Variants in RPSA2 observed in about 807,000 individuals in gnomAD.
The protein encoded by RPSA2 is ribosomal protein SA 2.
the RPSA2 span, among the ~76,000 whole-genome samples, chr19:23,839,537 G>A: frequency 2.0e-5 from 3 of 152,184 alleles, no homozygotes; most frequent in South Asian, 2.1e-4. Context: ...CTGTTTCTCA[G>A]TGTGGTAAAA....
At chr19:23,837,395 T>G in the RPSA2 span, among the ~76,000 whole-genome samples, 1 of 152,154 alleles carries the variant, frequency 6.6e-6, no homozygotes, top group Non-Finnish European at 1.5e-5. Flanking sequence ...TACTTTGAAA[T>G]CAGGTAGTGT....
chr19:23,837,415 A>AGAT, the RPSA2 span, among the ~76,000 whole-genome samples: 1 of 152,066 alleles, frequency 6.6e-6, no homozygotes, highest in Non-Finnish European at 1.5e-5. Flanking sequence ...TGTTTCCTCC[A>AGAT]GATTTGTTCT....
the RPSA2 span, among the ~76,000 whole-genome samples, chr19:23,810,103 G>A: frequency 1.3e-5 from 2 of 152,146 alleles, no homozygotes; most frequent in African/African-American, 4.8e-5. Context: ...GTTAAAAGGG[G>A]CTTGGATAGG....
At chr19:23,761,927 T>TCCTTCCTTCCTTCC in the RPSA2 span, among the ~76,000 whole-genome samples, 48 of 62,386 alleles carry the variant, frequency 7.7e-4, 4 homozygotes, top group South Asian at 1.3e-3. Context: ...TTTCTTTTTT[T>TCCTTCCTTCCTTCC]TTTTTTTTGA....
chr19:23,823,018 G>A, the RPSA2 span, among the ~76,000 whole-genome samples: 1 of 152,232 alleles, frequency 6.6e-6, no homozygotes, highest in Middle Eastern at 3.4e-3. Context: ...AAGGGAACTG[G>A]TCTAGGTGCC....
At chr19:23,770,161 C>T in the RPSA2 span, among the ~76,000 whole-genome samples, 1 of 73,790 alleles carries the variant, frequency 1.4e-5, no homozygotes, top group African/African-American at 5.4e-5. Flanking sequence ...ATGTGACTCT[C>T]TTGCATGGGC....
chr19:23,862,489 A>G, the RPSA2 span, among the ~76,000 whole-genome samples: 1 of 151,770 alleles, frequency 6.6e-6, no homozygotes, highest in Admixed American at 6.6e-5. Flanking sequence ...GTTTTTGCCC[A>G]TTCAGTATGA....
the RPSA2 span, among the ~76,000 whole-genome samples, chr19:23,786,952 C>A: frequency 2.5e-4 from 38 of 151,904 alleles, no homozygotes; most frequent in South Asian, 7.7e-3. Context: ...TGGCATATTG[C>A]TGTGGTCAGC....
chr19:23,854,376 G>A, the RPSA2 span, among the ~76,000 whole-genome samples: 1 of 152,214 alleles, frequency 6.6e-6, no homozygotes, highest in Non-Finnish European at 1.5e-5. Context: ...TACTGTGAAG[G>A]TGGACAAGCA....
the RPSA2 span, among the ~76,000 whole-genome samples, chr19:23,792,296 C>G: frequency 2.0e-5 from 3 of 152,144 alleles, no homozygotes; most frequent in Non-Finnish European, 2.9e-5. Flanking sequence ...TATTAAGGCC[C>G]AGTTCCTTTT....
At chr19:23,862,319 A>G in the RPSA2 span, among the ~76,000 whole-genome samples, 76,518 of 149,646 alleles carry the variant, frequency 0.51, 20,021 homozygotes, top group South Asian at 0.62. Context: ...CATGTCATCT[A>G]CAAACAGGGA....
At chr19:23,853,200 A>G in the RPSA2 span, among the ~76,000 whole-genome samples, 1 of 152,262 alleles carries the variant, frequency 6.6e-6, no homozygotes. Context: ...CGATTTATGT[A>G]AAGCAGTATG....
the RPSA2 span, among the ~76,000 whole-genome samples, chr19:23,854,117 G>A: frequency 1.3e-5 from 2 of 151,524 alleles, no homozygotes; most frequent in African/African-American, 4.9e-5. Flanking sequence ...TTGAGCAACT[G>A]ACTCACTGAC....
At chr19:23,775,403 T>C in the RPSA2 span, among the ~76,000 whole-genome samples, 1 of 152,174 alleles carries the variant, frequency 6.6e-6, no homozygotes, top group East Asian at 1.9e-4. Flanking sequence ...GTGTTAACTC[T>C]CATATCTGGG....
At chr19:23,839,767 G>A in the RPSA2 span, among the ~76,000 whole-genome samples, 3 of 152,170 alleles carry the variant, frequency 2.0e-5, no homozygotes, top group East Asian at 1.9e-4. Context: ...TGGGGATTCA[G>A]CGAGCTCCCA....
the RPSA2 span, among the ~76,000 whole-genome samples, chr19:23,816,500 C>T: frequency 6.6e-6 from 1 of 152,012 alleles, no homozygotes; most frequent in African/African-American, 2.4e-5. Context: ...TTTATGTGTT[C>T]CTGAGTGGTA....
chr19:23,819,543 C>T, the RPSA2 span: 6 of 152,252 alleles, frequency 3.9e-5, no homozygotes, highest in South Asian at 2.1e-4. Context: ...ACAGAGTCCC[C>T]GGGTCTAAAG....
the RPSA2 span, among the ~76,000 whole-genome samples, chr19:23,761,670 C>A: frequency 6.6e-6 from 1 of 152,020 alleles, no homozygotes; most frequent in South Asian, 2.1e-4. Context: ...ATTTCCTCAC[C>A]CCTACCTCCA....
At chr19:23,869,947 C>G in the RPSA2 span, among the ~76,000 whole-genome samples, 5 of 152,210 alleles carry the variant, frequency 3.3e-5, no homozygotes, top group South Asian at 8.3e-4. Context: ...AAGCAATACT[C>G]AATTGACCTT....
Sources: allele counts gnomAD v4.1 joint callset (sites outside exome capture counted in the v4.1 genomes callset), GRCh38; gene constraint gnomAD v4.1.1; transcripts MANE v1.5; gene names NCBI Gene and HGNC (gene_info 2026-07-23, HGNC 2026-07-21).